Variants in SUGCT observed in about 807,000 individuals in gnomAD.
The protein encoded by SUGCT is succinyl-CoA:glutarate-CoA transferase.
A neutral mutation model predicts 55.0 loss-of-function variants in SUGCT; 41 were observed. That is an observed-to-expected ratio of 0.74 (90% CI 0.58 to 0.97). The LOEUF is 0.97. Among genes scored for constraint, SUGCT ranks in the 50% least tolerant of loss-of-function variants. The pLI is 0.00. For synonymous variants in SUGCT, 187 were observed against 200.4 expected, an observed-to-expected ratio of 0.93 and a Z score of 0.56; for missense variants, 568 against 547.8, an observed-to-expected ratio of 1.04 and a Z score of -0.37.
At chr7:40,535,547 A>T (rs1245236766) in intron 12 of SUGCT, among the ~76,000 whole-genome samples, 1 of 152,222 alleles carries the variant, frequency 6.6e-6, no homozygotes, top group Non-Finnish European at 1.5e-5. Context: ...GTGAGTGTAT[A>T]TCCAAGAAGA....
chr7:40,797,031 C>A (rs919253352), intron 13 of SUGCT, among the ~76,000 whole-genome samples: 4 of 152,142 alleles, frequency 2.6e-5, no homozygotes, highest in South Asian at 2.1e-4. Context: ...TGGGTCAGGG[C>A]AATTCTGACA....
intron 11 of SUGCT, among the ~76,000 whole-genome samples, chr7:40,489,365 A>T (rs1301637658): frequency 6.6e-6 from 1 of 151,118 alleles, no homozygotes; most frequent in Admixed American, 6.6e-5. Context: ...TATTTTCTTT[A>T]AGTTCACTGA....
chr7:40,380,554 C>A (rs1784819804), intron 9 of SUGCT, among the ~76,000 whole-genome samples: 1 of 152,262 alleles, frequency 6.6e-6, no homozygotes, highest in East Asian at 1.9e-4. Context: ...TTGAAGAAGA[C>A]TTCTTTGACT....
At chr7:40,544,546 A>G (rs1794889867) in intron 12 of SUGCT, among the ~76,000 whole-genome samples, 1 of 152,144 alleles carries the variant, frequency 6.6e-6, no homozygotes, top group Non-Finnish European at 1.5e-5. Flanking sequence ...TTCTTTTTGT[A>G]GGGAAAGTGT....
At chr7:40,347,236 A>T (rs10951634) in intron 9 of SUGCT, among the ~76,000 whole-genome samples, 2 of 152,076 alleles carry the variant, frequency 1.3e-5, no homozygotes, top group East Asian at 1.9e-4. Context: ...ATTTTCTTAG[A>T]GAATACATAG....
chr7:40,277,361 G>A (rs907463416), intron 8 of SUGCT, among the ~76,000 whole-genome samples: 1 of 127,684 alleles, frequency 7.8e-6, no homozygotes, highest in African/African-American at 3.2e-5. Flanking sequence ...TTTTTTTTTT[G>A]TATTTTTTGG....
intron 13 of SUGCT, among the ~76,000 whole-genome samples, chr7:40,822,498 G>C (rs1367338966): frequency 6.6e-6 from 1 of 152,152 alleles, no homozygotes; most frequent in Non-Finnish European, 1.5e-5. Flanking sequence ...TTGTTGAGTT[G>C]ATCCCTTTAC....
chr7:41,016,478 T>C, the SUGCT span, among the ~76,000 whole-genome samples: 1 of 152,202 alleles, frequency 6.6e-6, no homozygotes, highest in Non-Finnish European at 1.5e-5. Flanking sequence ...CTTTTTTCTC[T>C]TATTTTTCTT....
chr7:40,901,116 A>G, the SUGCT span, among the ~76,000 whole-genome samples: 28 of 152,320 alleles, frequency 1.8e-4, no homozygotes, highest in Admixed American at 9.8e-4. Flanking sequence ...TGAGAAGCTT[A>G]AGTCCATTGT....
chr7:40,735,521 C>G (rs1787110257), intron 12 of SUGCT, among the ~76,000 whole-genome samples: 1 of 152,118 alleles, frequency 6.6e-6, no homozygotes, highest in South Asian at 2.1e-4. Context: ...GAGAAGCAAG[C>G]ACTAGAACCA....
At position 40,598,196 on chromosome 7, in the gene SUGCT, C is replaced by T. The variant is rs147028110; in HGVS notation, c.1089+101810C>T. Among the ~76,000 whole-genome samples, 13 of 152,214 alleles carry T rather than the reference C, an allele frequency of 8.5e-5. No individual in the cohort carries two copies. The East Asian group carries it at 2.1e-3, about 25-fold the overall frequency. On this transcript the variant is annotated intron_variant, in intron 12 of 13. Transcript: ENST00000335693. Reference sequence around the variant, plus strand: ...TCACAACCTTAGCTGTTGCTTAAAGCGCAGCAGTGTGAAAGGGTAACTGAA... The same window carrying T: ...TCACAACCTTAGCTGTTGCTTAAAGTGCAGCAGTGTGAAAGGGTAACTGAA...
intron 3 of SUGCT, among the ~76,000 whole-genome samples, chr7:40,182,920 A>G (rs993669054): frequency 4.6e-5 from 7 of 152,180 alleles, no homozygotes; most frequent in Admixed American, 1.3e-4. Context: ...AAGGAGGATA[A>G]AAGTGAAGAA....
At chr7:40,396,997 A>C (rs1212335878) in intron 9 of SUGCT, among the ~76,000 whole-genome samples, 1 of 152,212 alleles carries the variant, frequency 6.6e-6, no homozygotes, top group African/African-American at 2.4e-5. Flanking sequence ...TATGAATACT[A>C]TACTGGTCTT....
intron 1 of SUGCT, among the ~76,000 whole-genome samples, chr7:40,137,367 C>T (rs2150569570): frequency 6.6e-6 from 1 of 152,194 alleles, no homozygotes; most frequent in African/African-American, 2.4e-5. Flanking sequence ...CTCAAGCATT[C>T]CTCTCTCCTG....
At chr7:40,462,538 A>G (rs1473739162) in intron 11 of SUGCT, among the ~76,000 whole-genome samples, 3 of 152,236 alleles carry the variant, frequency 2.0e-5, no homozygotes, top group Non-Finnish European at 4.4e-5. Context: ...TGCTCTACCT[A>G]GTAGAGAAGA....
intron 6 of SUGCT, among the ~76,000 whole-genome samples, chr7:40,216,651 A>C (rs987896534): frequency 6.6e-6 from 1 of 152,086 alleles, no homozygotes; most frequent in Admixed American, 6.6e-5. Flanking sequence ...CAGGAGTTCC[A>C]GATCAGCCTG....
chr7:40,846,261 A>AGAAGAG (rs1381485254), intron 13 of SUGCT, among the ~76,000 whole-genome samples: 4 of 152,208 alleles, frequency 2.6e-5, no homozygotes, highest in Non-Finnish European at 4.4e-5. Context: ...TAGAAGGCAA[A>AGAAGAG]GAAGAGGAAG....
In SUGCT at chr7:40,578,601, A is replaced by T. The variant is rs892124259; in HGVS notation, c.1089+82215A>T. Among the ~76,000 whole-genome samples, 3 of 151,796 alleles carry T rather than the reference A, an allele frequency of 2.0e-5. No individual in the cohort carries two copies. The East Asian group carries it at 5.8e-4, about 29-fold the overall frequency. ...TCCTGATTATTAGCATCAGCTGGGG[A>T]ACATTTAGAAAATACCAATGCTCAG... On this transcript the variant is annotated intron_variant, in intron 12 of 13. Coordinates refer to ENST00000335693, the MANE Select transcript of SUGCT (RefSeq NM_001193313.2).
rs776733346 is a variant in SUGCT, at chr7:40,570,850, C to CTTTTTTTTTTTTT, written c.1089+74479_1089+74491dup. On this transcript the variant is annotated intron_variant, in intron 12 of 13. Transcript: ENST00000335693. The stretch of plus-strand genomic sequence containing the variant: ...CCCCTCTGGGCAAAAGCTTTAGGCT[C>CTTTTTTTTTTTTT]TTTTTTTTTTTTTTTTTTTTTTTTT... Among the ~76,000 whole-genome samples the CTTTTTTTTTTTTT allele has an allele frequency of 3.8e-4, 20 of 52,302 alleles. 4 individuals are homozygous for CTTTTTTTTTTTTT. Among genetic ancestry groups the CTTTTTTTTTTTTT allele is most frequent in the African/African-American group, 1.6e-3 (18 of 11,526 alleles). 34.3% of individuals were successfully genotyped at this position (52,302 alleles called of 152,430 possible).
Sources: allele counts gnomAD v4.1 joint callset (sites outside exome capture counted in the v4.1 genomes callset), GRCh38; gene constraint gnomAD v4.1.1; transcripts MANE v1.5; gene names NCBI Gene and HGNC (gene_info 2026-07-23, HGNC 2026-07-21).